The following DPP6 variants were observed in gnomAD, a reference collection of about 807,000 sequenced individuals.
DPP6 encodes the protein A-type potassium channel modulatory protein DPP6.
DPP6 carries 69 observed loss-of-function variants against 122.6 expected under a neutral mutation model. That is an observed-to-expected ratio of 0.56 (90% CI 0.46 to 0.69). The LOEUF (loss-of-function observed/expected upper bound fraction) is 0.69, where lower values mean the gene tolerates loss of function less well. Among genes scored for constraint, DPP6 ranks in the 30% least tolerant of loss-of-function variants. DPP6 has a pLI of 0.00. For synonymous variants in DPP6, 418 were observed against 433.1 expected (o/e 0.97, Z 0.43); for missense variants, 928 against 1,116.9 (o/e 0.83, Z 2.41).
chr7:153,859,471 A>T, the DPP6 span, among the ~76,000 whole-genome samples: 86 of 152,282 alleles, frequency 5.6e-4, no homozygotes, highest in African/African-American at 2.0e-3. Flanking sequence ...GCAGAAAAAA[A>T]CTTGAGTGAG....
chr7:153,976,860 G>C (rs1333071012), intron 1 of DPP6, among the ~76,000 whole-genome samples: 2 of 152,186 alleles, frequency 1.3e-5, no homozygotes, highest in Non-Finnish European at 2.9e-5. Context: ...GGACATCGGG[G>C]CTGCCACTGG....
intron 1 of DPP6, among the ~76,000 whole-genome samples, chr7:154,180,509 A>C (rs989460421): frequency 5.0e-5 from 7 of 141,198 alleles, no homozygotes; most frequent in African/African-American, 1.9e-4. Flanking sequence ...TATATAAATA[A>C]ATATATATAA....
chr7:154,871,022 C>T (rs1436761314), intron 18 of DPP6, among the ~76,000 whole-genome samples: 1 of 151,914 alleles, frequency 6.6e-6, no homozygotes, highest in East Asian at 1.9e-4. Flanking sequence ...GAAACCATTG[C>T]CCCGGCATGT....
intron 1 of DPP6, among the ~76,000 whole-genome samples, chr7:154,081,181 G>C (rs1483127393): frequency 6.6e-6 from 1 of 151,764 alleles, no homozygotes; most frequent in Non-Finnish European, 1.5e-5. Context: ...CCAGTATGCT[G>C]GGGCAGAGAG....
intron 1 of DPP6, among the ~76,000 whole-genome samples, chr7:153,910,910 T>C (rs957119003): frequency 2.0e-5 from 3 of 152,118 alleles, no homozygotes; most frequent in Non-Finnish European, 2.9e-5. Flanking sequence ...AGTGCCATCA[T>C]CCTCTCCTAC....
intron 7 of DPP6, among the ~76,000 whole-genome samples, chr7:154,717,606 T>G (rs1386805739): frequency 2.6e-5 from 4 of 152,124 alleles, no homozygotes; most frequent in Non-Finnish European, 5.9e-5. Flanking sequence ...ACTATTTCCT[T>G]GTATACATGC....
intron 1 of DPP6, among the ~76,000 whole-genome samples, chr7:154,221,892 A>T (rs1408568952): frequency 6.6e-6 from 1 of 152,206 alleles, no homozygotes; most frequent in African/African-American, 2.4e-5. Flanking sequence ...TTTGCATTAT[A>T]AAAAAGGCAT....
chr7:154,540,698 T>C (rs1828656657), intron 4 of DPP6, 72 bp downstream of exon 4: 1 of 966,664 alleles, frequency 1.0e-6, no homozygotes, highest in African/African-American at 1.7e-5. Flanking sequence ...AGAAAATGAC[T>C]TTTGGTTTCA....
the DPP6 span, among the ~76,000 whole-genome samples, chr7:153,755,284 C>T: frequency 6.9e-6 from 1 of 145,550 alleles, no homozygotes; most frequent in Non-Finnish European, 1.5e-5. Flanking sequence ...GCCTAGTTTT[C>T]TTAATTCTGG....
intron 1 of DPP6, among the ~76,000 whole-genome samples, chr7:154,424,725 A>G (rs192938955): frequency 5.1e-4 from 78 of 152,336 alleles, no homozygotes; most frequent in African/African-American, 1.7e-3. Flanking sequence ...TGTTCATTAC[A>G]ATGAAGCAAT....
At chr7:154,812,706 G>A (rs1799149942) in intron 16 of DPP6, among the ~76,000 whole-genome samples, 1 of 152,126 alleles carries the variant, frequency 6.6e-6, no homozygotes, top group Admixed American at 6.5e-5. Flanking sequence ...TAAATGTGGG[G>A]GGGACATAAA....
the DPP6 span, among the ~76,000 whole-genome samples, chr7:153,776,458 T>A: frequency 1.3e-5 from 2 of 152,138 alleles, no homozygotes; most frequent in Non-Finnish European, 2.9e-5. Flanking sequence ...TGCTTCCCCT[T>A]CCACCGTGAT....
intron 1 of DPP6, among the ~76,000 whole-genome samples, chr7:153,898,459 A>G (rs1424895700): frequency 6.6e-6 from 1 of 152,202 alleles, no homozygotes; most frequent in Non-Finnish European, 1.5e-5. Flanking sequence ...CTGTAAAAAA[A>G]TAATAATAAT....
At chr7:153,807,666 C>G in the DPP6 span, among the ~76,000 whole-genome samples, 5 of 151,708 alleles carry the variant, frequency 3.3e-5, no homozygotes, top group Non-Finnish European at 7.4e-5. Flanking sequence ...ATGAATTATT[C>G]CTTAAATGCC....
At chr7:154,794,978 C>A (rs577330773) in intron 11 of DPP6, among the ~76,000 whole-genome samples, 1 of 152,260 alleles carries the variant, frequency 6.6e-6, no homozygotes, top group Admixed American at 6.5e-5. Flanking sequence ...AGGCTCCTAA[C>A]ACGACAGCTG....
At chr7:153,773,310 T>TGTGTGTGTGTGTG in the DPP6 span, among the ~76,000 whole-genome samples, 1 of 98,488 alleles carries the variant, frequency 1.0e-5, no homozygotes, top group South Asian at 3.7e-4. Context: ...TGTATGTGTA[T>TGTGTGTGTGTGTG]TTTATATATA....
In DPP6 at chr7:154,807,132, T is replaced by G. The variant is rs1432205828; in HGVS notation, c.1666+20T>G. 5.0e-6 allele frequency: 8 copies of G among 1,607,870 alleles called. No individual in the cohort carries two copies. Among genetic ancestry groups the G allele is most frequent in the Non-Finnish European group, 6.8e-6 (8 of 1,178,076 alleles). On this transcript the variant is annotated intron_variant, in intron 16 of 25. Coordinates refer to ENST00000377770, the MANE Select transcript of DPP6 (RefSeq NM_130797.4). ...GCGAAGGTCAGCTCCTGCCACCCCG[T>G]CAGGGCAAAGAGCCCTGGCAGGCAC...
In DPP6 at chr7:154,638,577, T is replaced by C. The variant is rs531461085; in HGVS notation, c.680+704T>C. On this transcript the variant is annotated intron_variant, in intron 6 of 25. Transcript: ENST00000377770. Reference sequence around the variant, plus strand: ...CTAACCTCATCTGGTCTCTCAATAATGTATTGTCCAGAGCAGGAGCGAGTT... The same window carrying C: ...CTAACCTCATCTGGTCTCTCAATAACGTATTGTCCAGAGCAGGAGCGAGTT... Among the ~76,000 whole-genome samples, 149 of 152,270 alleles carry C rather than the reference T, an allele frequency of 9.8e-4. 2 individuals carry two copies. The highest frequency in any genetic ancestry group is 3.3e-3 in the African/African-American group (139 of 41,556).
At position 153,890,379 on chromosome 7, in the gene DPP6, C is replaced by T. The variant is rs573286511; in HGVS notation, c.51+2645C>T. ...CTGTAAACTGCTTTCTAATCCAGCC[C>T]CTGCTCGCTGACATCCACATTGTAT... On this transcript the variant is annotated intron_variant, in intron 1 of 25. Transcript: ENST00000404039. Among the ~76,000 whole-genome samples, 3 of 152,322 alleles carry T rather than the reference C, an allele frequency of 2.0e-5. No individual in the cohort carries two copies. The South Asian group carries it at 6.2e-4, about 32-fold the overall frequency.
Sources: gnomAD v4.1 joint callset for allele counts (sites outside exome capture counted in the v4.1 genomes callset) on GRCh38, gnomAD v4.1.1 for gene constraint, MANE v1.5 for transcripts, NCBI Gene and HGNC (gene_info 2026-07-23, HGNC 2026-07-21) for gene names.